The following EBF3 variants were observed in gnomAD, a reference collection of about 807,000 sequenced individuals.
EBF3 encodes EBF transcription factor 3.
In EBF3, 18 loss-of-function variants were observed where a neutral mutation model predicts 77.1. The observed-to-expected ratio is 0.23, with a 90% CI of 0.16 to 0.35. EBF3 has a LOEUF of 0.35. EBF3 is among the 10% of genes least tolerant of loss of function. EBF3 has a pLI of 1.00. For synonymous variants in EBF3, 350 were observed against 343.5 expected, an observed-to-expected ratio of 1.02 and a Z score of -0.21; for missense variants, 558 against 860.0, an observed-to-expected ratio of 0.65 and a Z score of 4.39.
intron 6 of EBF3, among the ~76,000 whole-genome samples, chr10:129,954,644 A>G (rs749448823): frequency 6.6e-6 from 1 of 152,190 alleles, no homozygotes; most frequent in Non-Finnish European, 1.5e-5. Flanking sequence ...ATGTGGGCCC[A>G]TTGATCTCAA....
chr10:129,936,187 C>A (rs897431366), intron 6 of EBF3, among the ~76,000 whole-genome samples: 9 of 152,230 alleles, frequency 5.9e-5, no homozygotes, highest in African/African-American at 2.2e-4. Flanking sequence ...AAAGTCCCCT[C>A]CCTTCACCTG....
At chr10:129,873,709 T>C in intron 7 of EBF3, 113 bp from the exon 8 acceptor site, 1 of 1,168,036 alleles carries the variant, frequency 8.6e-7, no homozygotes, top group Middle Eastern at 2.4e-4. Context: ...ATTTCACGTG[T>C]TCCTGGACAC....
At position 129,947,984 on chromosome 10, in the gene EBF3, C is replaced by T. The variant is rs1348867423; in HGVS notation, c.554+9274G>A. On this transcript the variant is annotated intron_variant, in intron 6 of 16. Coordinates refer to ENST00000440978, the MANE Select transcript of EBF3 (RefSeq NM_001375380.1). The surrounding 1 kb of genome is among the most constrained non-coding windows in gnomAD (Gnocchi z 4.5). ...GAAAGAAGCCAGTCTGGGTGAGGCA[C>T]GGTGGCTCACATCTGTAATCCTAGC... Among the ~76,000 whole-genome samples, 1 of 152,088 alleles carries T rather than the reference C, an allele frequency of 6.6e-6. No individual in the cohort carries two copies. Among genetic ancestry groups the T allele is most frequent in the Non-Finnish European group, 1.5e-5 (1 of 68,028 alleles).
intron 6 of EBF3, among the ~76,000 whole-genome samples, chr10:129,926,608 G>A (rs1245179971): frequency 6.6e-6 from 1 of 152,184 alleles, no homozygotes; most frequent in Non-Finnish European, 1.5e-5. Context: ...CCAGGGAGGG[G>A]GCTGGGCAGA....
chr10:129,904,767 G>A (rs1855024090), intron 6 of EBF3, among the ~76,000 whole-genome samples: 1 of 150,394 alleles, frequency 6.6e-6, no homozygotes, highest in African/African-American at 2.4e-5. Flanking sequence ...CTTTAGAGCA[G>A]GAATATTTTA....
intron 6 of EBF3, among the ~76,000 whole-genome samples, chr10:129,955,892 T>C (rs1229188333): frequency 6.6e-6 from 1 of 152,244 alleles, no homozygotes; most frequent in Non-Finnish European, 1.5e-5. Context: ...CAAACACTTC[T>C]AGCCAATCAA....
chr10:129,931,887 G>A (rs1190942961), intron 6 of EBF3, among the ~76,000 whole-genome samples: 3 of 152,136 alleles, frequency 2.0e-5, no homozygotes, highest in African/African-American at 7.2e-5. Context: ...GTGCCCTGGG[G>A]TCCTGGTACC....
chr10:129,840,474 G>A (rs556400585), intron 14 of EBF3, 32 bp from the exon 15 acceptor site: 17 of 1,541,740 alleles, frequency 1.1e-5, no homozygotes, highest in South Asian at 4.8e-5. Context: ...CAGCACGCGC[G>A]GCCGCGGCAC....
At chr10:129,890,483 G>C (rs1347111098) in intron 6 of EBF3, among the ~76,000 whole-genome samples, 1 of 152,256 alleles carries the variant, frequency 6.6e-6, no homozygotes, top group Non-Finnish European at 1.5e-5. Context: ...GTGCACAGCG[G>C]GGCCTCCGCC....
intron 10 of EBF3, among the ~76,000 whole-genome samples, chr10:129,859,567 T>A (rs534731715): frequency 6.6e-6 from 1 of 152,346 alleles, no homozygotes; most frequent in Admixed American, 6.5e-5. Context: ...GCCCAACTGA[T>A]TGAAATGATA....
At position 129,867,245 on chromosome 10, in the gene EBF3, C is replaced by T; in HGVS notation, c.935G>A (p.Arg312Gln). The T allele has an allele frequency of 1.2e-6, 2 of 1,614,092 alleles. No homozygotes were observed. Among genetic ancestry groups the T allele is most frequent in the Non-Finnish European group, 1.7e-6 (2 of 1,180,016 alleles). The part of the protein sequence containing the change: ...WSELITPHAI[R>Q]VQTPPRHIPG... ...AATGTGCCTCGGCGGGGTCTGGACT[C>T]GGATGGCATGGGGAGTTATCAGCTA... is the stretch of plus-strand genomic sequence containing the variant. The change falls in exon 10 of 17, where the codon CGA becomes CAA. Residue 312 changes from arginine (R) to glutamine (Q), a missense_variant. Coordinates refer to ENST00000440978, the MANE Select transcript of EBF3 (RefSeq NM_001375380.1).
intron 6 of EBF3, among the ~76,000 whole-genome samples, chr10:129,924,500 T>C (rs1373442372): frequency 1.3e-5 from 2 of 150,980 alleles, no homozygotes; most frequent in African/African-American, 4.9e-5. Flanking sequence ...ACTGGAACCC[T>C]TGAGCACCCC....
intron 10 of EBF3, among the ~76,000 whole-genome samples, chr10:129,862,431 C>T (rs532685106): frequency 6.6e-6 from 1 of 152,238 alleles, no homozygotes; most frequent in South Asian, 2.1e-4. Context: ...CTGTCGCAGA[C>T]AACATGTTGA....
rs1851640813 is a variant in EBF3, at chr10:129,861,564, TCATGGGGGGGA to T, written c.1039+5566_1039+5576del. 7.4e-6 allele frequency among the ~76,000 whole-genome samples: 1 copy of T among 135,280 alleles called. No homozygotes were observed. The highest frequency in any genetic ancestry group is 2.7e-5 in the African/African-American group (1 of 36,992). 88.7% of individuals were successfully genotyped at this position (135,280 alleles called of 152,430 possible). A position where few individuals can be genotyped will look rare whatever the true frequency, so the allele number is the denominator to read the frequency against. On this transcript the variant is annotated intron_variant, in intron 10 of 16. Transcript: ENST00000440978. The surrounding 1 kb of genome is among the most constrained non-coding windows in gnomAD (Gnocchi z 4.3). ...CTATTCTTGGGGGGTTCACTGGGGA[TCATGGGGGGGA>T]CACAGACATCCTTGGACACCATTGA...
chr10:129,862,963 C>T (rs77872323), intron 10 of EBF3, among the ~76,000 whole-genome samples: 2,615 of 152,284 alleles, frequency 0.017, 50 homozygotes, highest in East Asian at 0.077. Flanking sequence ...AAGCAAATGG[C>T]ACACTGTTAG....
intron 6 of EBF3, among the ~76,000 whole-genome samples, chr10:129,917,647 G>A (rs1474781238): frequency 8.9e-5 from 1 of 11,284 alleles, no homozygotes; most frequent in Non-Finnish European, 2.0e-4. Flanking sequence ...GCAAGACCCT[G>A]CCTCAAAAAA....
At chr10:129,951,817 C>T (rs948761787) in intron 6 of EBF3, among the ~76,000 whole-genome samples, 7 of 152,372 alleles carry the variant, frequency 4.6e-5, no homozygotes, top group African/African-American at 1.7e-4. Context: ...GGGCACTGTT[C>T]CTGGCGCCTC....
chr10:129,890,213 C>T (rs929008466), intron 6 of EBF3, among the ~76,000 whole-genome samples: 1 of 152,166 alleles, frequency 6.6e-6, no homozygotes, highest in African/African-American at 2.4e-5. Context: ...AGTGCAGACA[C>T]TGCAACTTAA....
intron 14 of EBF3, 96 bp downstream of exon 14, chr10:129,840,748 G>A (rs1390831351): frequency 3.4e-6 from 5 of 1,490,848 alleles, no homozygotes; most frequent in Non-Finnish European, 4.5e-6. Context: ...CTTTTATCCA[G>A]TAGCTCACAT....
Sources: allele counts gnomAD v4.1 joint callset (sites outside exome capture counted in the v4.1 genomes callset), GRCh38; gene constraint gnomAD v4.1.1; non-coding constraint Gnocchi (gnomAD v3.1); transcripts MANE v1.5; gene names NCBI Gene and HGNC (gene_info 2026-07-23, HGNC 2026-07-21).